CEP83: variants seen among roughly 807,000 people sequenced by gnomAD.
CEP83 encodes the protein centrosomal protein 83.
In CEP83, 70 loss-of-function variants were observed where a neutral mutation model predicts 101.9. The observed-to-expected ratio is 0.69, with a 90% confidence interval of 0.57 to 0.84. CEP83 has a LOEUF of 0.84. Ranked by LOEUF, CEP83 falls within the 40% of genes least tolerant of loss-of-function variation. The probability of loss-of-function intolerance (pLI) is 0.00; values close to 1 mark genes in which losing one functional copy is unlikely to be tolerated. For synonymous variants in CEP83, 264 were observed against 267.9 expected, an observed-to-expected ratio of 0.99 and a Z score of 0.14; for missense variants, 715 against 787.2, an observed-to-expected ratio of 0.91 and a Z score of 1.10.
rs1969222611 is a variant in CEP83, at chr12:94,307,741, A to C, written c.*1072T>G. ...TTTTTTATTCTAAGTGGCTCCGTGG[A>C]AATTATTTTTCAGAGATAAGGTGTC... On this transcript the variant is annotated 3_prime_UTR_variant, in exon 17 of 17. Coordinates refer to ENST00000397809, the MANE Select transcript of CEP83 (RefSeq NM_016122.3). 6.6e-6 allele frequency: 1 copy of C among 151,508 alleles called. No individual in the cohort carries two copies. The highest frequency in any genetic ancestry group is 1.5e-5 in the Non-Finnish European group (1 of 67,926). The allele number at this position is 151,508 out of a possible 1,614,324, so 9.4% of individuals were successfully genotyped here.
Position 94,307,709 on chromosome 12 carries a change from T to C in CEP83, c.*1104A>G, listed in dbSNP as rs896729500. 4.0e-5 allele frequency: 6 copies of C among 151,668 alleles called. No homozygotes were observed. The highest frequency in any genetic ancestry group is 2.0e-4 in the Admixed American group (3 of 15,192). 9.4% of individuals were successfully genotyped at this position (151,668 alleles called of 1,614,324 possible). On this transcript the variant is annotated 3_prime_UTR_variant, in exon 17 of 17. Coordinates refer to ENST00000397809, the MANE Select transcript of CEP83 (RefSeq NM_016122.3). The stretch of plus-strand genomic sequence containing the variant: ...TTTTTTTTTTTCAATTTTCTAGTTA[T>C]AATAGTTTTTTTATTCTAAGTGGCT...
At chr12:94,274,308 G>A in the CEP83 span, among the ~76,000 whole-genome samples, 1 of 152,094 alleles carries the variant, frequency 6.6e-6, no homozygotes, top group Non-Finnish European at 1.5e-5. Flanking sequence ...ACTTCAGCCT[G>A]GGCAACAGAG....
chr12:94,430,069 A>C lies in CEP83; in HGVS notation c.-102+5206T>G, dbSNP rs1467904003. ...ACGCACCACTGGGGAGTCTAAAGACAAGCCCACCTGGCCTCACCCACCCCC... is the reference window on the plus strand; with the variant it reads ...ACGCACCACTGGGGAGTCTAAAGACCAGCCCACCTGGCCTCACCCACCCCC... On this transcript the variant is annotated intron_variant, in intron 2 of 16. Coordinates refer to ENST00000397809, the MANE Select transcript of CEP83 (RefSeq NM_016122.3). Among the ~76,000 whole-genome samples, 3 of 152,090 alleles carry C rather than the reference A, an allele frequency of 2.0e-5. No individual in the cohort carries two copies. In the East Asian group the frequency reaches 5.8e-4, roughly 29 times the overall value.
chr12:94,413,855 CACACACACACAT>C (rs979600870), intron 2 of CEP83, among the ~76,000 whole-genome samples: 1 of 151,562 alleles, frequency 6.6e-6, no homozygotes, highest in Non-Finnish European at 1.5e-5. Flanking sequence ...CACACACACA[CACACACACACAT>C]ACATACATAT....
chr12:94,412,693 C>CTTTTTTTTTTTTTTTTTTTTTTTT (rs11330562), intron 2 of CEP83, 102 bp from the exon 3 acceptor site: 6 of 213,898 alleles, frequency 2.8e-5, no homozygotes, highest in African/African-American at 6.3e-5. Context: ...TTTTTTTTTT[C>CTTTTTTTTTTTTTTTTTTTTTTTT]TTTTTTTTTT....
At chr12:94,457,976 C>T (rs1006150479) in intron 1 of CEP83, among the ~76,000 whole-genome samples, 9 of 152,050 alleles carry the variant, frequency 5.9e-5, no homozygotes, top group Non-Finnish European at 1.0e-4. Context: ...GTGGGCAGAT[C>T]GCCTGAAGTC....
At chr12:94,292,837 C>T in the CEP83 span, among the ~76,000 whole-genome samples, 1 of 152,148 alleles carries the variant, frequency 6.6e-6, no homozygotes, top group Admixed American at 6.5e-5. Context: ...GATTTTGGAG[C>T]ATTTTGAATT....
intron 2 of CEP83, among the ~76,000 whole-genome samples, chr12:94,423,042 A>C (rs1423129545): frequency 6.6e-6 from 1 of 152,058 alleles, no homozygotes; most frequent in African/African-American, 2.4e-5. Context: ...ATCTTTTTCC[A>C]ACGTGGTTGT....
intron 4 of CEP83, among the ~76,000 whole-genome samples, chr12:94,406,291 C>T (rs1486159048): frequency 1.3e-5 from 2 of 152,036 alleles, no homozygotes; most frequent in African/African-American, 4.8e-5. Context: ...CTCCATTGCA[C>T]TCCAGCCTGT....
chr12:94,361,942 C>T (rs2060785291), intron 11 of CEP83, among the ~76,000 whole-genome samples: 1 of 152,074 alleles, frequency 6.6e-6, no homozygotes, highest in African/African-American at 2.4e-5. Flanking sequence ...CTCAGGTGAT[C>T]CACCCGCCTT....
intron 14 of CEP83, among the ~76,000 whole-genome samples, chr12:94,321,528 G>A (rs146089405): frequency 1.7e-4 from 26 of 152,302 alleles, no homozygotes; most frequent in Middle Eastern, 6.8e-3. Context: ...GGCTGCCTCT[G>A]ATTGAAGTGG....
At chr12:94,334,342 G>C (rs2059365779) in intron 12 of CEP83, among the ~76,000 whole-genome samples, 1 of 152,056 alleles carries the variant, frequency 6.6e-6, no homozygotes, top group Non-Finnish European at 1.5e-5. Flanking sequence ...TTATCTGGGA[G>C]TACTTTTTCT....
chr12:94,325,515 A>G (rs1266573588), intron 14 of CEP83, among the ~76,000 whole-genome samples: 1 of 152,296 alleles, frequency 6.6e-6, no homozygotes, highest in South Asian at 2.1e-4. Flanking sequence ...TCCACCTGAT[A>G]GTATTTCTTT....
At chr12:94,424,714 A>C in intron 2 of CEP83, 1 of 1,609,008 alleles carries the variant, frequency 6.2e-7, no homozygotes, top group Non-Finnish European at 8.5e-7. Context: ...GTACGGCCTT[A>C]GTGGAAACAA....
chr12:94,313,735 G>A (rs1004950093), intron 14 of CEP83, among the ~76,000 whole-genome samples: 2 of 152,132 alleles, frequency 1.3e-5, no homozygotes, highest in African/African-American at 4.8e-5. Flanking sequence ...TACTCAGGAG[G>A]CTGAGGCAGG....
At chr12:94,296,984 C>T in the CEP83 span, among the ~76,000 whole-genome samples, 1 of 152,196 alleles carries the variant, frequency 6.6e-6, no homozygotes, top group Non-Finnish European at 1.5e-5. Context: ...CTTCCTCCTC[C>T]AATCCCTCAC....
At chr12:94,392,687 T>C (rs2062627507) in intron 6 of CEP83, among the ~76,000 whole-genome samples, 1 of 152,088 alleles carries the variant, frequency 6.6e-6, no homozygotes, top group African/African-American at 2.4e-5. Flanking sequence ...TTCAAAAAAA[T>C]CAATGAATCC....
chr12:94,368,124 A>G lies in CEP83; in HGVS notation c.1126T>C (p.Leu376=), dbSNP rs770000242. The G allele has an allele frequency of 8.1e-6, 13 of 1,613,250 alleles. No individual in the cohort carries two copies. Among genetic ancestry groups the G allele is most frequent in the Admixed American group, 5.0e-5 (3 of 60,010 alleles). Residue 376 remains leucine (L), a synonymous_variant, in exon 10 of 17, where the codon TTA becomes CTA. Coordinates refer to ENST00000397809, the MANE Select transcript of CEP83 (RefSeq NM_016122.3). The part of the protein sequence containing the change: ...KVLLVEKDRE[L]IRKVQAAKEE... Reference sequence around the variant, plus strand: ...TTGGCAGCTTGTACTTTACGTATTAATTCACGATCCTTTTCTACTAAGAGC... The same window carrying G: ...TTGGCAGCTTGTACTTTACGTATTAGTTCACGATCCTTTTCTACTAAGAGC...
chr12:94,320,815 C>A (rs988996386), intron 14 of CEP83, among the ~76,000 whole-genome samples: 1 of 151,980 alleles, frequency 6.6e-6, no homozygotes, highest in African/African-American at 2.4e-5. Context: ...TCTCCAAGTG[C>A]CTTTAATATT....
Sources: allele counts gnomAD v4.1 joint callset (sites outside exome capture counted in the v4.1 genomes callset), GRCh38; gene constraint gnomAD v4.1.1; transcripts MANE v1.5; gene names NCBI Gene and HGNC (gene_info 2026-07-23, HGNC 2026-07-21).